The following TICRR variants were observed in gnomAD, a reference collection of about 807,000 sequenced individuals.
TICRR encodes the protein treslin.
TICRR carries 132 observed loss-of-function variants against 178.1 expected under a neutral mutation model. That is an observed-to-expected ratio of 0.74 (90% CI 0.64 to 0.86). The LOEUF (loss-of-function observed/expected upper bound fraction) is 0.86. Ranked by LOEUF, TICRR falls within the 40% of genes least tolerant of loss-of-function variation. TICRR has a pLI of 0.00. For synonymous variants in TICRR, 991 were observed against 900.7 expected (o/e 1.10, Z -1.79); for missense variants, 2,587 against 2,334.3 (o/e 1.11, Z -2.23).
rs1314226598 is a variant in TICRR at position 89,595,499 on chromosome 15, A to C, written c.1788A>C (p.Pro596=). ...RLNVKAQKLH[P]DGSPDVAGEK... ...ATGTGAAGGCCCAGAAGTTACATCC[A>C]GATGGCAGTCCGGATGTGGCTGGGG... is the stretch of plus-strand genomic sequence containing the variant. The change falls in exon 7 of 22, where the codon CCA becomes CCC. Residue 596 remains proline (P), a synonymous_variant. Coordinates refer to ENST00000268138, the MANE Select transcript of TICRR (RefSeq NM_152259.4). The C allele has an allele frequency of 6.2e-7, 1 of 1,614,030 alleles. No individual in the cohort carries two copies. Among genetic ancestry groups the C allele is most frequent in the Non-Finnish European group, 8.5e-7 (1 of 1,179,854 alleles).
rs776607878 is a variant in TICRR, at chr15:89,595,365, T to A, written c.1682-28T>A. The A allele has an allele frequency of 3.2e-6, 5 of 1,558,670 alleles. No homozygotes were observed. The East Asian group carries it at 1.1e-4, about 35-fold the overall frequency. The stretch of plus-strand genomic sequence containing the variant: ...TCCACAGAAGTGGAAGGCAATTTAC[T>A]TTCCCTCCTCTGATGTTGTTTTGGT... On this transcript the variant is annotated intron_variant, in intron 6 of 21. Transcript: ENST00000268138.
At chr15:89,623,133 T>C (rs187181911) in intron 19 of TICRR, among the ~76,000 whole-genome samples, 1 of 152,256 alleles carries the variant, frequency 6.6e-6, no homozygotes, top group African/African-American at 2.4e-5. Context: ...TGAGACATTA[T>C]CTTTGCTGCT....
intron 2 of TICRR, 114 bp downstream of exon 2, chr15:89,583,079 G>A (rs1294798034): frequency 1.7e-6 from 2 of 1,159,232 alleles, no homozygotes; most frequent in East Asian, 2.6e-5. Flanking sequence ...CTCAACGAAT[G>A]CTTGTCATGA....
In TICRR at chr15:89,616,432, T is replaced by C; in HGVS notation, c.2897T>C (p.Val966Ala). ...KGYHKLLTKSVAETPVHKQIS... is the reference protein window; with the variant it reads ...KGYHKLLTKSAAETPVHKQIS... Reference sequence around the variant, plus strand: ...TATCACAAACTGCTGACTAAGAGTGTGGCCGAGACTCCAGTGCATAAGCAG... The same window carrying C: ...TATCACAAACTGCTGACTAAGAGTGCGGCCGAGACTCCAGTGCATAAGCAG... Residue 966 changes from valine to alanine, a missense_variant, in exon 16 of 22, where the codon GTG (valine) becomes GCG (alanine). Physicochemically the swap from Val to Ala is moderately conservative, Grantham distance 64. Transcript: ENST00000268138. 1 of 1,614,072 alleles carries C rather than the reference T, an allele frequency of 6.2e-7. No individual in the cohort carries two copies. The highest frequency in any genetic ancestry group is 8.5e-7 in the Non-Finnish European group (1 of 1,179,928).
chr15:89,576,712 A>G (rs1163762843), intron 1 of TICRR, among the ~76,000 whole-genome samples: 9 of 151,306 alleles, frequency 5.9e-5, no homozygotes, highest in African/African-American at 1.7e-4. Context: ...CCATTTCTCC[A>G]TATGTTTTGA....
In TICRR at chr15:89,627,227, TC is replaced by T. The variant is rs1211050821; in HGVS notation, c.*145del. 1 of 1,002,778 alleles carries T rather than the reference TC, an allele frequency of 1.0e-6. No individual in the cohort carries two copies. Among genetic ancestry groups the T allele is most frequent in the Non-Finnish European group, 1.4e-6 (1 of 691,414 alleles). 62.1% of individuals were successfully genotyped at this position (1,002,778 alleles called of 1,614,324 possible). A position where few individuals can be genotyped will look rare whatever the true frequency, so the allele number is the denominator to read the frequency against. On this transcript the variant is annotated 3_prime_UTR_variant, in exon 22 of 22. Transcript: ENST00000268138. Reference sequence around the variant, plus strand: ...TTAGAATGCCTTAGGGTTTTCTAATTCCCCTTATGGATCCAATCCATCTCCT... The same window carrying T: ...TTAGAATGCCTTAGGGTTTTCTAATTCCCTTATGGATCCAATCCATCTCCT...
chr15:89,615,364 A>C (rs1963318812), intron 15 of TICRR, among the ~76,000 whole-genome samples: 1 of 152,150 alleles, frequency 6.6e-6, no homozygotes, highest in Non-Finnish European at 1.5e-5. Context: ...CCCTGTCCAG[A>C]GGCTGCTGGG....
Position 89,624,363 on chromosome 15 carries a change from ATCTC to A in TICRR, c.4058_4061del (p.Leu1353ProfsTer74). On this transcript the variant is annotated frameshift_variant, in exon 20 of 22. Transcript: ENST00000268138. LOFTEE classifies it high-confidence loss of function. ...CCCAGATGTCACCCAGCGTAGCTGC[ATCTC>A]TCTCCTGCCCTGTTCCCTCAACTCC... 1 of 1,614,100 alleles carries A rather than the reference ATCTC, an allele frequency of 6.2e-7. No homozygotes were observed.
chr15:89,589,315 G>C (rs1962872240), intron 4 of TICRR, among the ~76,000 whole-genome samples: 1 of 152,184 alleles, frequency 6.6e-6, no homozygotes, highest in South Asian at 2.1e-4. Context: ...GTGAGTTTGG[G>C]GGGTAAGAAG....
chr15:89,590,041 T>G (rs1962884643), intron 4 of TICRR, among the ~76,000 whole-genome samples: 1 of 152,168 alleles, frequency 6.6e-6, no homozygotes, highest in Non-Finnish European at 1.5e-5. Context: ...TAAATATACC[T>G]TGTCCTTTAA....
chr15:89,621,039 G>C (rs1198970032), intron 18 of TICRR, among the ~76,000 whole-genome samples: 1 of 149,080 alleles, frequency 6.7e-6, no homozygotes, highest in Non-Finnish European at 1.5e-5. Flanking sequence ...TTGTTTTTGA[G>C]ATGGAGTTGT....
intron 21 of TICRR, 95 bp downstream of exon 21, chr15:89,626,156 G>C (rs908463985): frequency 2.0e-6 from 3 of 1,486,226 alleles, no homozygotes; most frequent in Non-Finnish European, 2.7e-6. Flanking sequence ...GAGCCCCAGG[G>C]AGTGCCAAGT....
At chr15:89,589,921 A>C (rs547119839) in intron 4 of TICRR, among the ~76,000 whole-genome samples, 3 of 152,244 alleles carry the variant, frequency 2.0e-5, no homozygotes, top group Admixed American at 6.5e-5. Context: ...TCCAAGACCA[A>C]CATAGCAAGA....
Position 89,602,856 on chromosome 15 carries a change from T to C in TICRR, c.2628T>C (p.Ile876=). 6.5e-7 allele frequency: 1 copy of C among 1,532,518 alleles called. No homozygotes were observed. Among genetic ancestry groups the C allele is most frequent in the South Asian group, 1.3e-5 (1 of 75,812 alleles). The allele number at this position is 1,532,518 out of a possible 1,614,324, so 94.9% of individuals were successfully genotyped here. A position where few individuals can be genotyped will look rare whatever the true frequency, so the allele number is the denominator to read the frequency against. ...IAEVSQNLRQ[I]EIPKVSKRAT... ...AGGTTTCACAGAATCTTCGACAAAT[T>C]GAAATTCCTAAAGTGTCAAAGAGAG... Residue 876 remains isoleucine, a synonymous_variant, in exon 13 of 22, where the codon ATT becomes ATC. Transcript: ENST00000268138.
chr15:89,583,342 A>G (rs186179192), intron 2 of TICRR, among the ~76,000 whole-genome samples: 147 of 152,370 alleles, frequency 9.6e-4, no homozygotes, highest in Middle Eastern at 3.4e-3. Context: ...GAAGAAATAA[A>G]TTAGTCTACA....
At chr15:89,616,621 G>A in intron 16 of TICRR, 126 bp downstream of exon 16, 1 of 698,408 alleles carries the variant, frequency 1.4e-6, no homozygotes, top group East Asian at 2.7e-5. Flanking sequence ...TAAAACCAAA[G>A]AGCATTCTAT....
chr15:89,594,655 TAAA>T (rs1312045596), intron 6 of TICRR, 101 bp downstream of exon 6: 5 of 1,012,578 alleles, frequency 4.9e-6, no homozygotes, highest in Non-Finnish European at 6.8e-6. Flanking sequence ...GGTAACTAAA[TAAA>T]GAAGGGCAAA....
At chr15:89,584,265 C>T (rs541814499) in intron 2 of TICRR, 21 bp from the exon 3 acceptor site, 3 of 1,566,574 alleles carry the variant, frequency 1.9e-6, no homozygotes, top group East Asian at 4.6e-5. Flanking sequence ...GCATCCTGGT[C>T]TAATTAATCT....
rs575198953 is a variant in TICRR at position 89,605,658 on chromosome 15, G to A, written c.2665-1110G>A. Among the ~76,000 whole-genome samples, 15 of 152,238 alleles carry A rather than the reference G, an allele frequency of 9.9e-5. No homozygotes were observed. The East Asian group carries it at 1.5e-3, about 16-fold the overall frequency. ...CAGGCGTGAGCCTCTGCGCCCAGCCGGATGTGTGACATATTTTTACAATTA... is the reference window on the plus strand; with the variant it reads ...CAGGCGTGAGCCTCTGCGCCCAGCCAGATGTGTGACATATTTTTACAATTA... On this transcript the variant is annotated intron_variant, in intron 13 of 21. Transcript: ENST00000268138.
Sources: allele counts gnomAD v4.1 joint callset (sites outside exome capture counted in the v4.1 genomes callset), GRCh38; gene constraint gnomAD v4.1.1; transcripts MANE v1.5; gene names NCBI Gene and HGNC (gene_info 2026-07-23, HGNC 2026-07-21).